C20orf96: variants seen among roughly 807,000 people sequenced by gnomAD.
The protein encoded by C20orf96 is chromosome 20 open reading frame 96.
In C20orf96, 57 loss-of-function variants were observed where a neutral mutation model predicts 52.6. The observed-to-expected ratio is 1.08, with a 90% CI of 0.88 to 1.35. The LOEUF is 1.35. Ranked by LOEUF, C20orf96 falls within the 40% of genes most tolerant of loss-of-function variation. C20orf96 has a pLI of 0.00. For synonymous variants in C20orf96, 168 were observed against 157.2 expected, an observed-to-expected ratio of 1.07 and a Z score of -0.51; for missense variants, 478 against 443.6, an observed-to-expected ratio of 1.08 and a Z score of -0.70.
chr20:290,495 CGACCT>C, intron 1 of C20orf96, 91 bp downstream of exon 1: 1 of 1,432,116 alleles, frequency 7.0e-7, no homozygotes, highest in Non-Finnish European at 9.1e-7. Flanking sequence ...AGACCGAGGG[CGACCT>C]CGAGGCGAGG....
At chr20:287,908 C>CA (rs71327437) in intron 3 of C20orf96, among the ~76,000 whole-genome samples, 8,654 of 62,854 alleles carry the variant, frequency 0.14, 798 homozygotes, top group African/African-American at 0.25. Context: ...GACTCCTTCT[C>CA]AAAAAAAAAA....
rs747835513 is a variant in C20orf96, at chr20:277,066, T to G, written c.803A>C (p.Lys268Thr). 2 of 1,613,774 alleles carry G rather than the reference T, an allele frequency of 1.2e-6. No individual in the cohort carries two copies. Among genetic ancestry groups the G allele is most frequent in the Non-Finnish European group, 1.7e-6 (2 of 1,179,800 alleles). The change falls in exon 8 of 11, where the codon AAA becomes ACA. Residue 268 changes from lysine (K) to threonine (T), a missense_variant. Transcript: ENST00000360321. ...LSDKIQKKKK[K>T]ILSSVVAETQ... is the part of the protein sequence containing the mutation. ...CACCGCCACCACAGAACTCAGAATT[T>G]TTTTCTTCTTCTTCTGAATCTTGTC...
chr20:284,123 C>T (rs6046931), intron 3 of C20orf96, 42 bp from the exon 4 acceptor site: 485 of 1,542,134 alleles, frequency 3.1e-4, no homozygotes, highest in African/African-American at 1.6e-3. Flanking sequence ...GTGAGGGTCC[C>T]GGAAGGCCTG....
chr20:279,102 C>CGGAGGGAGGGCGGGACGGAGGGACGGAG, intron 5 of C20orf96, 70 bp downstream of exon 5: 1 of 609,442 alleles, frequency 1.6e-6, no homozygotes, highest in South Asian at 3.8e-5. Context: ...GACGGAGGGA[C>CGGAGGGAGGGCGGGACGGAGGGACGGAG]GGAGGGAGGG....
At chr20:272,043 G>A (rs549433009) in intron 10 of C20orf96, among the ~76,000 whole-genome samples, 29 of 151,608 alleles carry the variant, frequency 1.9e-4, no homozygotes, top group Non-Finnish European at 3.7e-4. Context: ...TATTTAGGCA[G>A]GAAATGTCAG....
rs1600185316 is a variant in C20orf96 at position 277,313 on chromosome 20, G to A, written c.636C>T (p.Ser212=). Residue 212 remains serine, a synonymous_variant, in exon 7 of 11, where the codon AGC becomes AGT. Transcript: ENST00000360321. ...TGGAATACTCATGGTCCATGTAAGTGCTCAGGAAGTTCACTTCCTCCTGGG... is the reference window on the plus strand; with the variant it reads ...TGGAATACTCATGGTCCATGTAAGTACTCAGGAAGTTCACTTCCTCCTGGG... The part of the protein sequence containing the change: ...EKTQEEVNFL[S]TYMDHEYSIK... The A allele has an allele frequency of 1.9e-6, 3 of 1,614,040 alleles. No homozygotes were observed. Among genetic ancestry groups the A allele is most frequent in the Non-Finnish European group, 2.5e-6 (3 of 1,179,958 alleles).
rs539304225 is a variant in C20orf96, at chr20:284,909, A to G, written c.188-828T>C. 7.2e-5 allele frequency among the ~76,000 whole-genome samples: 11 copies of G among 152,314 alleles called. No homozygotes were observed. The East Asian group carries it at 2.1e-3, about 29-fold the overall frequency. On this transcript the variant is annotated intron_variant, in intron 3 of 10. Transcript: ENST00000360321. ...TTAAAAATTCCAGGTTCTGCCTTCTACTAGCTGCGTGACCTTGAGCAAGTC... is the reference window on the plus strand; with the variant it reads ...TTAAAAATTCCAGGTTCTGCCTTCTGCTAGCTGCGTGACCTTGAGCAAGTC...
Position 290,696 on chromosome 20 carries a change from G to C in C20orf96, c.-86C>G, listed in dbSNP as rs2012524810. 34 of 1,549,064 alleles carry C rather than the reference G, an allele frequency of 2.2e-5. 1 individual carries two copies. The South Asian group carries it at 3.7e-4, about 17-fold the overall frequency. ...CGGCTTTTCCAACTTCCTTGTCTCAGTGTAGATCGCGCGGTAACCCAGGCC... is the reference window on the plus strand; with the variant it reads ...CGGCTTTTCCAACTTCCTTGTCTCACTGTAGATCGCGCGGTAACCCAGGCC... On this transcript the variant is annotated 5_prime_UTR_variant, in exon 1 of 11. Transcript: ENST00000360321.
chr20:289,724 G>C, intron 2 of C20orf96, 48 bp from the exon 3 acceptor site: 1 of 1,444,764 alleles, frequency 6.9e-7, no homozygotes, highest in Non-Finnish European at 9.7e-7. Context: ...TTATATCCCA[G>C]CTCTACCCTT....
In C20orf96 at chr20:277,110, C is replaced by T. The variant is rs1202978967; in HGVS notation, c.759G>A (p.Lys253=). 2 of 1,613,956 alleles carry T rather than the reference C, an allele frequency of 1.2e-6. No homozygotes were observed. The highest frequency in any genetic ancestry group is 2.2e-5 in the East Asian group (1 of 44,860). The stretch of plus-strand genomic sequence containing the variant: ...TCTTGTCAGACAAGGATTCCAGGAC[C>T]TTTCTGCGCATCTCACCGAGGTCAT... ...ELDDLGEMRR[K]VLESLSDKIQ... is the part of the protein sequence containing the mutation. The change falls in exon 8 of 11, where the codon AAG becomes AAA. Residue 253 remains lysine (K), a synonymous_variant. Coordinates refer to ENST00000360321, the MANE Select transcript of C20orf96 (RefSeq NM_153269.3).
chr20:278,166 TG>T (rs2012090514), intron 6 of C20orf96, among the ~76,000 whole-genome samples, 163 bp downstream of exon 6: 1 of 152,142 alleles, frequency 6.6e-6, no homozygotes, highest in South Asian at 2.1e-4. Context: ...AGCTAAGTGT[TG>T]GGTAACTATG....
intron 4 of C20orf96, 73 bp from the exon 5 acceptor site, chr20:279,403 C>A (rs1440728785): frequency 6.8e-7 from 1 of 1,468,468 alleles, no homozygotes; most frequent in East Asian, 2.7e-5. Context: ...GCCCGTGGAC[C>A]CGCCGCCCCG....
In C20orf96 at chr20:282,854, G is replaced by A. The variant is rs542295017; in HGVS notation, c.306+1109C>T. ...GCCACTGCACTCCAGCCTGGGTGAC[G>A]GAGTGAAACTCTGTCTCAAAAAAAA... On this transcript the variant is annotated intron_variant, in intron 4 of 10. Transcript: ENST00000360321. Among the ~76,000 whole-genome samples, 114 of 151,978 alleles carry A rather than the reference G, an allele frequency of 7.5e-4. 1 individual carries two copies. The highest frequency in any genetic ancestry group is 1.3e-3 in the Non-Finnish European group (90 of 68,006).
chr20:284,055 C>T lies in C20orf96; in HGVS notation c.214G>A (p.Val72Met). Reference sequence around the variant, plus strand: ...GGATTCTTCGGCTGGCAGCTTGTCACCACCGTAGTGGGCTTGAAGTGAAAC... The same window carrying T: ...GGATTCTTCGGCTGGCAGCTTGTCATCACCGTAGTGGGCTTGAAGTGAAAC... ...PVFHFKPTTV[V>M]TSCQPKNPRE... The change falls in exon 4 of 11, where the codon GTG becomes ATG. Residue 72 changes from valine to methionine, a missense_variant. Val to Met is a conservative substitution (Grantham distance 21). Coordinates refer to ENST00000360321, the MANE Select transcript of C20orf96 (RefSeq NM_153269.3). 6.2e-7 allele frequency: 1 copy of T among 1,614,126 alleles called. No homozygotes were observed. Among genetic ancestry groups the T allele is most frequent in the South Asian group, 1.1e-5 (1 of 91,090 alleles).
intron 3 of C20orf96, among the ~76,000 whole-genome samples, chr20:286,941 T>TA (rs2012402537): frequency 6.6e-6 from 1 of 152,234 alleles, no homozygotes; most frequent in Non-Finnish European, 1.5e-5. Context: ...GGCTTTTTTT[T>TA]ACTTGGCATA....
intron 4 of C20orf96, among the ~76,000 whole-genome samples, chr20:282,772 T>C (rs2012284745): frequency 6.6e-6 from 1 of 152,080 alleles, no homozygotes; most frequent in East Asian, 1.9e-4. Flanking sequence ...CTCAGGAGGC[T>C]GAGGCAGGAG....
At chr20:290,012 C>A (rs1462214624) in intron 2 of C20orf96, among the ~76,000 whole-genome samples, 1 of 152,174 alleles carries the variant, frequency 6.6e-6, no homozygotes, top group Non-Finnish European at 1.5e-5. Flanking sequence ...CCTCAGGAAA[C>A]CAGAGCAGCA....
chr20:275,128 C>T (rs552920786), intron 10 of C20orf96, among the ~76,000 whole-genome samples: 90 of 152,310 alleles, frequency 5.9e-4, no homozygotes, highest in Non-Finnish European at 9.1e-4. Context: ...CTAAGAGTCA[C>T]TTTTGCAGTG....
chr20:286,762 G>A (rs1387437358), intron 3 of C20orf96, among the ~76,000 whole-genome samples: 1 of 151,962 alleles, frequency 6.6e-6, no homozygotes, highest in Non-Finnish European at 1.5e-5. Flanking sequence ...TAACCACAAG[G>A]ATCCTGCCTG....
Sources: allele counts gnomAD v4.1 joint callset (sites outside exome capture counted in the v4.1 genomes callset), GRCh38; gene constraint gnomAD v4.1.1; transcripts MANE v1.5; gene names NCBI Gene and HGNC (gene_info 2026-07-23, HGNC 2026-07-21).